The following HK1 variants were observed in gnomAD, a reference collection of about 807,000 sequenced individuals.
HK1 encodes the protein hexokinase 1, also known as hexokinase-1.
A neutral mutation model predicts 91.6 loss-of-function variants in HK1; 28 were observed. That is an observed-to-expected ratio of 0.31 (90% CI 0.23 to 0.42). The LOEUF (loss-of-function observed/expected upper bound fraction) is 0.42, where lower values mean the gene tolerates loss of function less well. Ranked by LOEUF, HK1 falls within the 10% of genes least tolerant of loss-of-function variation. The pLI, the probability that HK1 is intolerant of heterozygous loss-of-function variation, is 1.00. For missense variants in HK1, 770 were observed against 1,219.8 expected, an observed-to-expected ratio of 0.63 and a Z score of 5.49; for synonymous variants, 430 against 468.1, an observed-to-expected ratio of 0.92 and a Z score of 1.05.
intron 2 of HK1, among the ~76,000 whole-genome samples, chr10:69,358,333 T>C (rs1175167982): frequency 6.6e-6 from 1 of 152,226 alleles, no homozygotes; most frequent in Admixed American, 6.5e-5. Flanking sequence ...TGCTGTCCGA[T>C]GGTCTCAGCC....
chr10:69,309,199 T>C (rs112659282), intron 5 of HK1, among the ~76,000 whole-genome samples: 3,476 of 150,342 alleles, frequency 0.023, 48 homozygotes, highest in African/African-American at 0.04. Context: ...TTTTTTTTTT[T>C]GAGACAGAGT....
chr10:69,382,868 G>T (rs1451436812), intron 10 of HK1, 77 bp downstream of exon 10: 2 of 1,377,198 alleles, frequency 1.5e-6, no homozygotes, highest in South Asian at 1.2e-5. Flanking sequence ...GGTTGGATTC[G>T]CCAGTGGATG....
At chr10:69,399,013 A>G (rs998181223) in intron 17 of HK1, among the ~76,000 whole-genome samples, 185 bp downstream of exon 17, 9 of 152,242 alleles carry the variant, frequency 5.9e-5, no homozygotes, top group African/African-American at 1.9e-4. Context: ...TTTGACTGGG[A>G]TCCTTAGGGA....
At position 69,331,302 on chromosome 10, in the gene HK1, T is replaced by C. The variant is rs557169662; in HGVS notation, c.63+12292T>C. ...TCTTTTGTTATAGGGGCCTCAGCCA[T>C]AAACCTAAGATGGGAAGGAAGGATA... On this transcript the variant is annotated intron_variant, in intron 1 of 17. Coordinates refer to ENST00000359426, the MANE Select transcript of HK1 (RefSeq NM_000188.3). 2.0e-4 allele frequency among the ~76,000 whole-genome samples: 30 copies of C among 152,368 alleles called. No homozygotes were observed. In the South Asian group the frequency reaches 4.3e-3, roughly 22 times the overall value.
At chr10:69,292,679 T>C (rs74138357) in intron 3 of HK1, among the ~76,000 whole-genome samples, 3,203 of 152,242 alleles carry the variant, frequency 0.021, 122 homozygotes, top group African/African-American at 0.072. Flanking sequence ...CAGGTTGTTA[T>C]TACAGATAAA....
At chr10:69,378,309 C>G (rs1289305491) in intron 8 of HK1, among the ~76,000 whole-genome samples, 1 of 139,964 alleles carries the variant, frequency 7.1e-6, no homozygotes, top group African/African-American at 2.6e-5. Context: ...AAGGCTATCT[C>G]AAAAAAAAAA....
At chr10:69,359,218 C>G (rs2132759396) in intron 2 of HK1, among the ~76,000 whole-genome samples, 1 of 152,170 alleles carries the variant, frequency 6.6e-6, no homozygotes, top group Non-Finnish European at 1.5e-5. Context: ...ATCGTGGATG[C>G]TGGGGACTGA....
intron 3 of HK1, among the ~76,000 whole-genome samples, chr10:69,363,825 G>A (rs1048712668): frequency 3.3e-5 from 5 of 152,328 alleles, no homozygotes; most frequent in South Asian, 4.1e-4. Context: ...CCTAAGATAT[G>A]TATGTACCTG....
At chr10:69,329,923 A>G (rs12355201) in intron 1 of HK1, among the ~76,000 whole-genome samples, 45,996 of 152,058 alleles carry the variant, frequency 0.3, 7,405 homozygotes, top group Non-Finnish European at 0.37. Flanking sequence ...CGATAAGGTC[A>G]TTAACAGTGA....
intron 2 of HK1, 136 bp downstream of exon 2, chr10:69,344,125 A>G (rs1848432490): frequency 1.1e-6 from 1 of 878,064 alleles, no homozygotes; most frequent in Admixed American, 2.0e-5. Context: ...CCATCCATCC[A>G]TCCATCCGCT....
At chr10:69,354,332 G>T (rs1342613715) in intron 2 of HK1, among the ~76,000 whole-genome samples, 1 of 152,182 alleles carries the variant, frequency 6.6e-6, no homozygotes, top group African/African-American at 2.4e-5. Context: ...ATTTATAAAG[G>T]AAAGAAGTTT....
rs1849334857 is a variant in HK1, at chr10:69,360,012, C to A, written c.342C>A (p.Thr114=). The A allele has an allele frequency of 1.9e-6, 3 of 1,614,098 alleles. No homozygotes were observed. The East Asian group carries it at 6.7e-5, about 36-fold the overall frequency. The change falls in exon 3 of 18, where the codon ACC becomes ACA. Residue 114 remains threonine, a synonymous_variant. Coordinates refer to ENST00000359426, the MANE Select transcript of HK1 (RefSeq NM_000188.3). ...ACATGGAGTCCGAGGTTTATGACACCCCAGAGAACATCGTGCACGGCAGTG... is the reference window on the plus strand; with the variant it reads ...ACATGGAGTCCGAGGTTTATGACACACCAGAGAACATCGTGCACGGCAGTG... ...NVHMESEVYD[T]PENIVHGSGS... is the part of the protein sequence containing the mutation.
intron 12 of HK1, among the ~76,000 whole-genome samples, chr10:69,386,009 G>A (rs1839612322): frequency 6.6e-6 from 1 of 152,214 alleles, no homozygotes; most frequent in Non-Finnish European, 1.5e-5. Flanking sequence ...GGCAGCACCA[G>A]GCTTGGAATC....
At chr10:69,307,440 T>G (rs1294693839) in intron 5 of HK1, among the ~76,000 whole-genome samples, 1 of 152,184 alleles carries the variant, frequency 6.6e-6, no homozygotes, top group African/African-American at 2.4e-5. Context: ...CGACTCAGTC[T>G]CCTCGGTGCA....
chr10:69,348,388 T>C (rs192212367), intron 2 of HK1, among the ~76,000 whole-genome samples: 24 of 152,348 alleles, frequency 1.6e-4, no homozygotes, highest in African/African-American at 4.6e-4. Context: ...TTTTCTTATA[T>C]GGAAGGATAG....
chr10:69,338,308 G>C lies in HK1; in HGVS notation c.64-5519G>C, dbSNP rs552193829. 7.6e-6 allele frequency: 9 copies of C among 1,180,742 alleles called. No homozygotes were observed. The East Asian group carries it at 4.7e-4, about 62-fold the overall frequency. 73.1% of individuals were successfully genotyped at this position (1,180,742 alleles called of 1,614,324 possible). A position where few individuals can be genotyped will look rare whatever the true frequency, so the allele number is the denominator to read the frequency against. On this transcript the variant is annotated intron_variant, in intron 1 of 17. Coordinates refer to ENST00000359426, the MANE Select transcript of HK1 (RefSeq NM_000188.3). ...CCTGGAGGCTGGATGCGGGTTCTCA[G>C]GCAAGAGTCTGAGGGACCCAGCTCG...
chr10:69,388,109 A>G (rs1839730208), intron 13 of HK1, among the ~76,000 whole-genome samples: 1 of 152,152 alleles, frequency 6.6e-6, no homozygotes, highest in Admixed American at 6.5e-5. Flanking sequence ...CTGGAAGGGT[A>G]TGCTACACAA....
At chr10:69,388,982 C>G (rs963083063) in intron 13 of HK1, among the ~76,000 whole-genome samples, 1 of 151,518 alleles carries the variant, frequency 6.6e-6, no homozygotes, top group Non-Finnish European at 1.5e-5. Flanking sequence ...GGGTAGAATA[C>G]TTTCCCTTCC....
chr10:69,347,005 G>A (rs1164568639), intron 2 of HK1, among the ~76,000 whole-genome samples: 3 of 151,962 alleles, frequency 2.0e-5, no homozygotes, highest in Non-Finnish European at 2.9e-5. Flanking sequence ...CAAGTATCCC[G>A]GTGGGGCCCA....
Sources: allele counts gnomAD v4.1 joint callset (sites outside exome capture counted in the v4.1 genomes callset), GRCh38; gene constraint gnomAD v4.1.1; transcripts MANE v1.5; gene names NCBI Gene and HGNC (gene_info 2026-07-23, HGNC 2026-07-21).